The following TMEM106A variants were observed in gnomAD, a reference collection of about 807,000 sequenced individuals.
TMEM106A encodes the protein transmembrane protein 106A.
TMEM106A carries 22 observed loss-of-function variants against 25.1 expected under a neutral mutation model. The ratio of observed to expected loss-of-function variants is 0.88; its 90% CI spans 0.63 to 1.25. The LOEUF is 1.25. Ranked by LOEUF, TMEM106A falls within the 50% of genes most tolerant of loss-of-function variation. The pLI, the probability that TMEM106A is intolerant of heterozygous loss-of-function variation, is 0.00. For synonymous variants in TMEM106A, 104 were observed against 129.9 expected (o/e 0.80, Z 1.35); for missense variants, 275 against 318.1 (o/e 0.86, Z 1.03).
At chr17:43,216,366 A>T in intron 5 of TMEM106A, 83 bp from the exon 6 acceptor site, 2 of 1,565,784 alleles carry the variant, frequency 1.3e-6, no homozygotes, top group Non-Finnish European at 1.7e-6. Context: ...GGCTCAGGCC[A>T]GACAGCCAGG....
At position 43,217,690 on chromosome 17, in the gene TMEM106A, G is replaced by A. The variant is rs769365077; in HGVS notation, c.678G>A (p.Leu226=). ...CCTGCTTCCTCTCCAGGGGCACCCTGACCTGTTCATACCTGAGCCATTCAG... is the reference window on the plus strand; with the variant it reads ...CCTGCTTCCTCTCCAGGGGCACCCTAACCTGTTCATACCTGAGCCATTCAG... ...HHVLLHIQGT[L]TCSYLSHSEQ... The change falls in exon 9 of 9, where the codon CTG becomes CTA. Residue 226 remains leucine, a synonymous_variant. Transcript: ENST00000612339. The A allele has an allele frequency of 1.2e-6, 2 of 1,614,120 alleles. No homozygotes were observed. Among genetic ancestry groups the A allele is most frequent in the Non-Finnish European group, 1.7e-6 (2 of 1,180,014 alleles).
intron 7 of TMEM106A, 73 bp from the exon 8 acceptor site, chr17:43,217,186 T>C: frequency 6.7e-7 from 1 of 1,503,298 alleles, no homozygotes; most frequent in Non-Finnish European, 9.3e-7. Context: ...AACTGGGACC[T>C]GCAGGCATCT....
chr17:43,217,124 A>G, intron 7 of TMEM106A, 135 bp from the exon 8 acceptor site: 1 of 866,396 alleles, frequency 1.2e-6, no homozygotes. Context: ...AAGGGGTGGG[A>G]GTGACATTTT....
In TMEM106A at chr17:43,219,750, A is replaced by AG. The variant is rs2057521023; in HGVS notation, c.*1949_*1950insG. The AG allele has an allele frequency of 6.6e-6, 1 of 151,486 alleles. No individual in the cohort carries two copies. Among genetic ancestry groups the AG allele is most frequent in the Non-Finnish European group, 1.5e-5 (1 of 67,956 alleles). 9.4% of individuals were successfully genotyped at this position (151,486 alleles called of 1,614,324 possible). A position where few individuals can be genotyped will look rare whatever the true frequency, so the allele number is the denominator to read the frequency against. ...TCTGTCTCAAAAAAAAAAAAAAAAAAAGATGGCTGTCTCTTTATCATTCAG... is the reference window on the plus strand; with the variant it reads ...TCTGTCTCAAAAAAAAAAAAAAAAAAGAGATGGCTGTCTCTTTATCATTCAG... On this transcript the variant is annotated 3_prime_UTR_variant, in exon 9 of 9. Coordinates refer to ENST00000612339, the MANE Select transcript of TMEM106A (RefSeq NM_145041.4).
chr17:43,217,596 C>G, intron 8 of TMEM106A, 85 bp from the exon 9 acceptor site: 1 of 1,555,206 alleles, frequency 6.4e-7, no homozygotes, highest in Non-Finnish European at 8.7e-7. Context: ...AGGGAGCTCC[C>G]CGCTCCCCAC....
intron 8 of TMEM106A, 101 bp downstream of exon 8, chr17:43,217,413 G>T: frequency 6.8e-7 from 1 of 1,460,614 alleles, no homozygotes; most frequent in Non-Finnish European, 9.6e-7. Flanking sequence ...CTGACCCCAT[G>T]AATCTTTGTT....
Position 43,215,925 on chromosome 17 carries a change from T to C in TMEM106A, c.413T>C (p.Ile138Thr), listed in dbSNP as rs1460643581. ...ACAGTGGCCTTTGATGAGGCTGATA[T>C]CTACCTCAACATAACGGTGGGTGGG... ...SSTVAFDEAD[I>T]YLNITNILNI... The change falls in exon 5 of 9, where the codon ATC (isoleucine) becomes ACC (threonine). Residue 138 changes from isoleucine to threonine, a missense_variant. Physicochemically the swap from Ile to Thr is moderately conservative, Grantham distance 89 (BLOSUM62 -1). Transcript: ENST00000612339. The C allele has an allele frequency of 1.2e-6, 2 of 1,614,136 alleles. No homozygotes were observed. The highest frequency in any genetic ancestry group is 2.2e-5 in the East Asian group (1 of 44,878).
chr17:43,216,549 A>G lies in TMEM106A; in HGVS notation c.530A>G (p.Asn177Ser). ...HLSLVVGQVS[N>S]NLLLHIGPLA... ...TCCCTCGTGGTGGGGCAGGTTTCCA[A>G]CAACCTTCTCCTACACATTGGCCCT... The change falls in exon 6 of 9, where the codon AAC (asparagine) becomes AGC (serine). Residue 177 changes from asparagine to serine, a missense_variant. By Grantham distance (46) the Asn-to-Ser change is conservative (BLOSUM62 1). Coordinates refer to ENST00000612339, the MANE Select transcript of TMEM106A (RefSeq NM_145041.4). The G allele has an allele frequency of 3.7e-6, 6 of 1,614,166 alleles. No homozygotes were observed. The highest frequency in any genetic ancestry group is 5.1e-6 in the Non-Finnish European group (6 of 1,180,026).
rs2057519882 is a variant in TMEM106A at position 43,219,716 on chromosome 17, G to C, written c.*1915G>C. On this transcript the variant is annotated 3_prime_UTR_variant, in exon 9 of 9. Transcript: ENST00000612339. ...CACTGCACTCCAGCCTGGGCAACAAGGGCGAGACTCTGTCTCAAAAAAAAA... is the reference window on the plus strand; with the variant it reads ...CACTGCACTCCAGCCTGGGCAACAACGGCGAGACTCTGTCTCAAAAAAAAA... The C allele has an allele frequency of 7.0e-6, 1 of 141,926 alleles. No individual in the cohort carries two copies. Among genetic ancestry groups the C allele is most frequent in the South Asian group, 2.4e-4 (1 of 4,114 alleles). 8.8% of individuals were successfully genotyped at this position (141,926 alleles called of 1,614,324 possible).
At position 43,218,316 on chromosome 17, in the gene TMEM106A, G is replaced by A. The variant is rs1351798166; in HGVS notation, c.*515G>A. Reference sequence around the variant, plus strand: ...TTTCACCCCAGCTCCATCAGGGCTGGCTGTCCCGTCTGAATGTGGAGAGAG... The same window carrying A: ...TTTCACCCCAGCTCCATCAGGGCTGACTGTCCCGTCTGAATGTGGAGAGAG... On this transcript the variant is annotated 3_prime_UTR_variant, in exon 9 of 9. Transcript: ENST00000612339. 2 of 157,620 alleles carry A rather than the reference G, an allele frequency of 1.3e-5. No individual in the cohort carries two copies. Among genetic ancestry groups the A allele is most frequent in the Admixed American group, 1.3e-4 (2 of 15,988 alleles). 9.8% of individuals were successfully genotyped at this position (157,620 alleles called of 1,614,324 possible).
At chr17:43,215,257 A>G (rs978372688) in intron 4 of TMEM106A, among the ~76,000 whole-genome samples, 3 of 152,176 alleles carry the variant, frequency 2.0e-5, no homozygotes, top group African/African-American at 7.2e-5. Flanking sequence ...AAAAGAAAAA[A>G]AAAAGAAATT....
intron 5 of TMEM106A, 55 bp downstream of exon 5, chr17:43,215,996 C>T (rs1216988334): frequency 2.5e-6 from 4 of 1,607,388 alleles, no homozygotes; most frequent in Admixed American, 1.7e-5. Flanking sequence ...TTCGCTGTAA[C>T]CTTTGTCCAG....
intron 8 of TMEM106A, 45 bp from the exon 9 acceptor site, chr17:43,217,636 T>C (rs995142784): frequency 6.8e-6 from 11 of 1,612,452 alleles, no homozygotes; most frequent in Non-Finnish European, 9.3e-6. Flanking sequence ...GCCAGAGCTT[T>C]CCTTTTCCTC....
At chr17:43,215,251 GA>G (rs970224468) in intron 4 of TMEM106A, among the ~76,000 whole-genome samples, 19 of 145,148 alleles carry the variant, frequency 1.3e-4, no homozygotes, top group East Asian at 8.0e-4. Flanking sequence ...TCAAAAAAAA[GA>G]AAAAAAAAAG....
chr17:43,217,395 C>T, intron 8 of TMEM106A, 83 bp downstream of exon 8: 1 of 1,508,900 alleles, frequency 6.6e-7, no homozygotes, highest in Non-Finnish European at 9.2e-7. Context: ...GGCAGAGAGT[C>T]TTCCAAGCTG....
At position 43,218,562 on chromosome 17, in the gene TMEM106A, G is replaced by A. The variant is rs1282467726; in HGVS notation, c.*761G>A. 6.6e-6 allele frequency: 1 copy of A among 152,236 alleles called. No homozygotes were observed. Among genetic ancestry groups the A allele is most frequent in the East Asian group, 1.9e-4 (1 of 5,190 alleles). The allele number at this position is 152,236 out of a possible 1,614,324, so 9.4% of individuals were successfully genotyped here. ...TGTAATCCCAGCTACTCGGGAGGCT[G>A]AGGCAGCAGAATCACTTGAAACCGG... is the stretch of plus-strand genomic sequence containing the variant. On this transcript the variant is annotated 3_prime_UTR_variant, in exon 9 of 9. Transcript: ENST00000612339.
chr17:43,216,332 C>T (rs1172723539), intron 5 of TMEM106A, 117 bp from the exon 6 acceptor site: 1 of 1,399,322 alleles, frequency 7.1e-7, no homozygotes, highest in Non-Finnish European at 9.9e-7. Flanking sequence ...ATCCTCTGCA[C>T]CTGAAGCTTG....
chr17:43,214,808 A>G (rs2057469256), intron 4 of TMEM106A, among the ~76,000 whole-genome samples: 1 of 151,988 alleles, frequency 6.6e-6, no homozygotes, highest in South Asian at 2.1e-4. Flanking sequence ...AAAAATAGAA[A>G]AATTATCTGG....
At chr17:43,211,976 ACCT>A (rs1396434637) in intron 1 of TMEM106A, 54 bp downstream of exon 1, 1 of 152,096 alleles carries the variant, frequency 6.6e-6, no homozygotes, top group Non-Finnish European at 1.5e-5. Flanking sequence ...AGGTCAAGAC[ACCT>A]CCTGTTGCCG....
Sources: gnomAD v4.1 joint callset for allele counts (sites outside exome capture counted in the v4.1 genomes callset) on GRCh38, gnomAD v4.1.1 for gene constraint, MANE v1.5 for transcripts, NCBI Gene and HGNC (gene_info 2026-07-23, HGNC 2026-07-21) for gene names.